The following CHD8 variants were observed in gnomAD, a reference collection of about 807,000 sequenced individuals.
CHD8 encodes the protein chromodomain helicase DNA binding protein 8.
In CHD8, 31 loss-of-function variants were observed where a neutral mutation model predicts 279.2. The observed-to-expected ratio is 0.11, with a 90% CI of 0.08 to 0.15. The LOEUF (loss-of-function observed/expected upper bound fraction) is 0.15, where lower values mean the gene tolerates loss of function less well. CHD8 is among the 10% of genes least tolerant of loss of function. The pLI is 1.00. For synonymous variants in CHD8, 1,081 were observed against 1,139.6 expected, an observed-to-expected ratio of 0.95 and a Z score of 1.04; for missense variants, 2,146 against 3,230.5, an observed-to-expected ratio of 0.66 and a Z score of 8.14.
Position 21,400,816 on chromosome 14 carries a change from G to C in CHD8, c.4370+59C>G. Reference sequence around the variant, plus strand: ...CCCCAATTTGAAAGGCAAACCAAGAGTATCTATCAGGATGGAGATGCACTA... The same window carrying C: ...CCCCAATTTGAAAGGCAAACCAAGACTATCTATCAGGATGGAGATGCACTA... On this transcript the variant is annotated intron_variant, in intron 22 of 37. Transcript: ENST00000646647. This position sits in a 1 kb window ranked among gnomAD's most constrained non-coding sequence, Gnocchi z 4.2. 1 of 1,479,370 alleles carries C rather than the reference G, an allele frequency of 6.8e-7. No individual in the cohort carries two copies. Among genetic ancestry groups the C allele is most frequent in the Non-Finnish European group, 9.1e-7 (1 of 1,098,378 alleles). The allele number at this position is 1,479,370 out of a possible 1,614,324, so 91.6% of individuals were successfully genotyped here. A position where few individuals can be genotyped will look rare whatever the true frequency, so the allele number is the denominator to read the frequency against.
chr14:21,432,382 T>C lies in CHD8; in HGVS notation c.-215-524A>G, dbSNP rs924319529. Among the ~76,000 whole-genome samples, 9 of 152,184 alleles carry C rather than the reference T, an allele frequency of 5.9e-5. No individual in the cohort carries two copies. In the South Asian group the frequency reaches 1.9e-3, roughly 32 times the overall value. On this transcript the variant is annotated intron_variant, in intron 1 of 37. Transcript: ENST00000646647. Reference sequence around the variant, plus strand: ...CAATCTCACCAAAGTGATCATACAATTTTACCCAGGAAGTTTTGCAACCTT... The same window carrying C: ...CAATCTCACCAAAGTGATCATACAACTTTACCCAGGAAGTTTTGCAACCTT...
In CHD8 at chr14:21,415,506, A is replaced by AAAAT. The variant is rs34695967; in HGVS notation, c.1968+64_1968+67dup. On this transcript the variant is annotated intron_variant, in intron 7 of 37. Coordinates refer to ENST00000646647, the MANE Select transcript of CHD8 (RefSeq NM_001170629.2). ...GGTAACACAGTTAGACTCTATTTCAAAAATAAATAAATAAATAAATAAATA... is the reference window on the plus strand; with the variant it reads ...GGTAACACAGTTAGACTCTATTTCAAAAATAAATAAATAAATAAATAAATAAATA... The AAAAT allele has an allele frequency of 0.15, 119,555 of 807,140 alleles. 12,127 individuals carry two copies. The highest frequency in any genetic ancestry group is 0.21 in the East Asian group (5,434 of 25,750). The allele number at this position is 807,140 out of a possible 1,614,324, so 50.0% of individuals were successfully genotyped here.
At chr14:21,441,817 A>G (rs914043639) in intron 1 of CHD8, among the ~76,000 whole-genome samples, 4 of 152,196 alleles carry the variant, frequency 2.6e-5, no homozygotes, top group African/African-American at 9.7e-5. Context: ...TGAACCCGGG[A>G]GGCGGAGCTT....
chr14:21,400,034 C>A lies in CHD8; in HGVS notation c.4764G>T (p.Arg1588Ser). 1 of 1,613,706 alleles carries A rather than the reference C, an allele frequency of 6.2e-7. No individual in the cohort carries two copies. The highest frequency in any genetic ancestry group is 8.5e-7 in the Non-Finnish European group (1 of 1,179,866). The change falls in exon 25 of 38, where the codon AGG (arginine) becomes AGT (serine). Residue 1588 changes from arginine (R) to serine (S), a missense_variant. By Grantham distance (110) the Arg-to-Ser change is moderately radical. Transcript: ENST00000646647. This position sits in a 1 kb window ranked among gnomAD's most constrained non-coding sequence, Gnocchi z 4.2. ...LLRVRMLYYL[R>S]QEVIGDQAEK... is the part of the protein sequence containing the mutation. Reference sequence around the variant, plus strand: ...CTGCTTGGTCTCCAATAACCTCCTGCCTCAGGTAGTATAGCATTCGTACCC... The same window carrying A: ...CTGCTTGGTCTCCAATAACCTCCTGACTCAGGTAGTATAGCATTCGTACCC...
At chr14:21,410,405 T>C (rs1261739175) in intron 10 of CHD8, among the ~76,000 whole-genome samples, 3 of 152,224 alleles carry the variant, frequency 2.0e-5, no homozygotes, top group Admixed American at 6.5e-5. Flanking sequence ...TATCAGCTTA[T>C]ACTGGCTTCT....
At chr14:21,413,031 A>G (rs756566716) in intron 9 of CHD8, 35 bp from the exon 10 acceptor site, 1 of 1,281,776 alleles carries the variant, frequency 7.8e-7, no homozygotes, top group Non-Finnish European at 1.1e-6. Context: ...ATAAGACCAA[A>G]AGATCACTGT....
chr14:21,409,179 A>G (rs183473498), intron 11 of CHD8, among the ~76,000 whole-genome samples: 8 of 152,352 alleles, frequency 5.3e-5, no homozygotes, highest in Admixed American at 3.9e-4. Flanking sequence ...TGGCTACTGT[A>G]TTAGACAGCA....
intron 20 of CHD8, 38 bp from the exon 21 acceptor site, chr14:21,401,551 T>TC (rs1594342201): frequency 1.5e-6 from 2 of 1,316,928 alleles, no homozygotes; most frequent in African/African-American, 3.0e-5. Context: ...GCTGACTTTT[T>TC]TTTTTAAGTG....
chr14:21,390,886 A>G, intron 37 of CHD8, 61 bp downstream of exon 37: 1 of 816,188 alleles, frequency 1.2e-6, no homozygotes, highest in Non-Finnish European at 2.1e-6. Flanking sequence ...ATCATCATTG[A>G]AAGACTTGTA....
chr14:21,428,196 C>A lies in CHD8; in HGVS notation c.1274G>T (p.Ser425Ile), dbSNP rs1478236913. The A allele has an allele frequency of 3.7e-6, 6 of 1,613,980 alleles. No homozygotes were observed. The highest frequency in any genetic ancestry group is 1.7e-6 in the Non-Finnish European group (2 of 1,179,858). Residue 425 changes from serine (S) to isoleucine (I), a missense_variant, in exon 4 of 38, where the codon AGT becomes ATT. Coordinates refer to ENST00000646647, the MANE Select transcript of CHD8 (RefSeq NM_001170629.2). ...TGGTGATGACAAAGCTGCCACTTCA[C>A]TGGCACTCAGAACTTTAACTACAGA... is the stretch of plus-strand genomic sequence containing the variant. ...GLSVVKVLSA[S>I]EVAALSSPAS...
rs188362585 is a variant in CHD8, at chr14:21,435,983, C to T, written c.-215-4125G>A. On this transcript the variant is annotated intron_variant, in intron 1 of 37. Transcript: ENST00000646647. Reference sequence around the variant, plus strand: ...AAACACTGCAAGAGATTAGTTCTGTCGTCTAATAGATAAAATTATGTAAAA... The same window carrying T: ...AAACACTGCAAGAGATTAGTTCTGTTGTCTAATAGATAAAATTATGTAAAA... Among the ~76,000 whole-genome samples, 489 of 152,264 alleles carry T rather than the reference C, an allele frequency of 3.2e-3. 5 individuals carry two copies. The highest frequency in any genetic ancestry group is 0.011 in the African/African-American group (455 of 41,532).
intron 1 of CHD8, among the ~76,000 whole-genome samples, chr14:21,448,414 T>C (rs1890176924): frequency 6.6e-6 from 1 of 152,224 alleles, no homozygotes; most frequent in Non-Finnish European, 1.5e-5. Flanking sequence ...TTACTCTTTT[T>C]CCTTTTAACA....
At chr14:21,450,880 C>T (rs1241472891) in intron 1 of CHD8, among the ~76,000 whole-genome samples, 2 of 151,332 alleles carry the variant, frequency 1.3e-5, no homozygotes, top group Admixed American at 6.6e-5. Flanking sequence ...AAAGGATTGG[C>T]ACTATCACAT....
At chr14:21,443,387 A>C (rs907373531) in intron 1 of CHD8, among the ~76,000 whole-genome samples, 1 of 151,920 alleles carries the variant, frequency 6.6e-6, no homozygotes, top group African/African-American at 2.4e-5. Flanking sequence ...TGAAAAGCTA[A>C]GGAGGAACCC....
intron 1 of CHD8, among the ~76,000 whole-genome samples, chr14:21,455,804 G>A (rs940102731): frequency 1.3e-5 from 2 of 151,884 alleles, no homozygotes; most frequent in African/African-American, 2.4e-5. Flanking sequence ...CTCGCGGCTC[G>A]GCCCGGCTCG....
intron 37 of CHD8, 77 bp downstream of exon 37, chr14:21,390,870 G>T: frequency 1.3e-6 from 1 of 747,148 alleles, no homozygotes; most frequent in Non-Finnish European, 2.3e-6. Flanking sequence ...AATAACATTA[G>T]TCACAATCAT....
intron 9 of CHD8, 186 bp downstream of exon 9, chr14:21,414,115 C>A (rs1453067476): frequency 1.8e-6 from 1 of 546,274 alleles, no homozygotes; most frequent in East Asian, 3.1e-5. Context: ...AATAAATGAA[C>A]CATATTTAAA....
intron 1 of CHD8, among the ~76,000 whole-genome samples, chr14:21,443,904 T>G (rs2139566240): frequency 6.7e-6 from 1 of 150,074 alleles, no homozygotes; most frequent in Admixed American, 6.6e-5. Flanking sequence ...GTCCACTGGA[T>G]GTAATACTTG....
chr14:21,405,825 T>C lies in CHD8; in HGVS notation c.2947A>G (p.Thr983Ala). The change falls in exon 15 of 38, where the codon ACT becomes GCT. Residue 983 changes from threonine to alanine, a missense_variant. Coordinates refer to ENST00000646647, the MANE Select transcript of CHD8 (RefSeq NM_001170629.2). The surrounding 1 kb of genome is among the most constrained non-coding windows in gnomAD (Gnocchi z 4.2). Reference protein sequence around the residue: ...VLLTGTPLQNTVEELFSLLHF... With the variant: ...VLLTGTPLQNAVEELFSLLHF... The stretch of plus-strand genomic sequence containing the variant: ...AGCAAGCTAAACAGTTCTTCTACAG[T>C]ATTTTGCAATGGTGTTCCTGTGAGT... 1 of 1,613,758 alleles carries C rather than the reference T, an allele frequency of 6.2e-7. No homozygotes were observed. The highest frequency in any genetic ancestry group is 8.5e-7 in the Non-Finnish European group (1 of 1,179,666).
Sources: allele counts gnomAD v4.1 joint callset (sites outside exome capture counted in the v4.1 genomes callset), GRCh38; gene constraint gnomAD v4.1.1; non-coding constraint Gnocchi (gnomAD v3.1); transcripts MANE v1.5; gene names NCBI Gene and HGNC (gene_info 2026-07-23, HGNC 2026-07-21).